Variants in WLS observed in about 807,000 individuals in gnomAD.
The protein encoded by WLS is protein wntless homolog.
A neutral mutation model predicts 62.8 loss-of-function variants in WLS; 23 were observed. That is an observed-to-expected ratio of 0.37 (90% confidence interval 0.26 to 0.52). WLS has a LOEUF of 0.52. Ranked by LOEUF, WLS falls within the 20% of genes least tolerant of loss-of-function variation. The probability of loss-of-function intolerance (pLI) is 0.92; values close to 1 mark genes in which losing one functional copy is unlikely to be tolerated. For synonymous variants in WLS, 246 were observed against 244.1 expected (o/e 1.01, Z -0.07); for missense variants, 615 against 697.3 (o/e 0.88, Z 1.33).
intron 1 of WLS, 123 bp downstream of exon 1, chr1:68,232,071 T>C (rs773430064): frequency 4.6e-5 from 61 of 1,326,874 alleles, no homozygotes; most frequent in Non-Finnish European, 6.1e-5. Flanking sequence ...TTAAGCACAA[T>C]AGCCGGACTA....
At chr1:68,140,002 A>G (rs972690928) in intron 10 of WLS, among the ~76,000 whole-genome samples, 1 of 152,262 alleles carries the variant, frequency 6.6e-6, no homozygotes, top group Admixed American at 6.5e-5. Flanking sequence ...TGGTTAACAC[A>G]AATATTAGCA....
chr1:68,164,925 G>C (rs961127882), intron 2 of WLS, among the ~76,000 whole-genome samples: 1 of 152,278 alleles, frequency 6.6e-6, no homozygotes, highest in South Asian at 2.1e-4. Context: ...CAGCTTGGCA[G>C]AAACAATGTT....
chr1:68,213,981 T>G (rs928632104), intron 1 of WLS, among the ~76,000 whole-genome samples: 1 of 152,156 alleles, frequency 6.6e-6, no homozygotes, highest in Non-Finnish European at 1.5e-5. Flanking sequence ...GCTTGGGCAG[T>G]CATTAAAGCT....
At chr1:68,194,438 T>C (rs1045656571) in intron 1 of WLS, among the ~76,000 whole-genome samples, 1 of 152,180 alleles carries the variant, frequency 6.6e-6, no homozygotes, top group Non-Finnish European at 1.5e-5. Context: ...AACCTTCCCA[T>C]TATGTTTTCA....
At chr1:68,197,380 C>A (rs554728564) in intron 1 of WLS, among the ~76,000 whole-genome samples, 3 of 152,200 alleles carry the variant, frequency 2.0e-5, no homozygotes, top group African/African-American at 7.2e-5. Context: ...CTTGGAGAAG[C>A]CTCAAGTGCA....
At chr1:68,104,899 A>C (rs1014017024) in intron 11 of WLS, among the ~76,000 whole-genome samples, 1 of 152,228 alleles carries the variant, frequency 6.6e-6, no homozygotes, top group Admixed American at 6.5e-5. Context: ...CAACCTGGGC[A>C]AAAAAGCAAG....
chr1:68,143,344 G>A (rs982517297), intron 10 of WLS, among the ~76,000 whole-genome samples: 1 of 152,100 alleles, frequency 6.6e-6, no homozygotes, highest in East Asian at 1.9e-4. Context: ...CTAACTTATT[G>A]CATGTCCTTT....
In WLS at chr1:68,228,842, C is replaced by CAAAAAAAAAAAAAAAAAAAAA. The variant is rs66626696; in HGVS notation, c.106+3331_106+3351dup. Among the ~76,000 whole-genome samples the CAAAAAAAAAAAAAAAAAAAAA allele has an allele frequency of 6.2e-4, 36 of 58,030 alleles. 1 individual carries two copies. The highest frequency in any genetic ancestry group is 9.3e-4 in the South Asian group (1 of 1,078). The allele number at this position is 58,030 out of a possible 152,430, so 38.1% of individuals were successfully genotyped here. ...AGGTTTAGCTTACAGACACTGGTGC[C>CAAAAAAAAAAAAAAAAAAAAA]AAAAAAAAAAAAAAAAAAAAAAAAA... On this transcript the variant is annotated intron_variant, in intron 1 of 11. Transcript: ENST00000262348.
intron 5 of WLS, among the ~76,000 whole-genome samples, chr1:68,152,250 G>C (rs942850722): frequency 3.3e-5 from 5 of 152,344 alleles, no homozygotes; most frequent in Admixed American, 6.5e-5. Flanking sequence ...TTTGGGTCCA[G>C]AGTTGGGAGA....
chr1:68,190,764 A>G (rs1648245600), intron 2 of WLS, among the ~76,000 whole-genome samples: 1 of 152,180 alleles, frequency 6.6e-6, no homozygotes, highest in African/African-American at 2.4e-5. Context: ...GAGCTAAGAA[A>G]TGTTTATAGG....
intron 3 of WLS, 115 bp downstream of exon 3, chr1:68,159,008 A>T: frequency 1.5e-6 from 2 of 1,370,740 alleles, no homozygotes; most frequent in Non-Finnish European, 2.0e-6. Flanking sequence ...CAGAGCAGGT[A>T]TTACCAAAGC....
intron 8 of WLS, among the ~76,000 whole-genome samples, chr1:68,146,844 G>A (rs1646758635): frequency 6.6e-6 from 1 of 152,090 alleles, no homozygotes; most frequent in South Asian, 2.1e-4. Context: ...TTGGAAGGCA[G>A]ATGACCTGAT....
At chr1:68,170,028 TGTAAG>T (rs1456746997) in intron 2 of WLS, among the ~76,000 whole-genome samples, 5 of 152,178 alleles carry the variant, frequency 3.3e-5, no homozygotes, top group Non-Finnish European at 7.3e-5. Context: ...TGTCTCTATC[TGTAAG>T]ATGAGGATAA....
intron 5 of WLS, 109 bp downstream of exon 5, chr1:68,153,408 T>C: frequency 6.8e-7 from 1 of 1,461,400 alleles, no homozygotes; most frequent in Non-Finnish European, 9.3e-7. Context: ...GTCAAATCAC[T>C]GGCCTAAGTC....
chr1:68,183,791 C>T (rs1163914324), intron 2 of WLS, among the ~76,000 whole-genome samples: 2 of 152,064 alleles, frequency 1.3e-5, no homozygotes, highest in African/African-American at 2.4e-5. Flanking sequence ...GGACACTCAG[C>T]CATCTAACTT....
intron 1 of WLS, among the ~76,000 whole-genome samples, chr1:68,230,902 C>T (rs1379756676): frequency 1.3e-5 from 2 of 152,186 alleles, no homozygotes; most frequent in Non-Finnish European, 2.9e-5. Flanking sequence ...ACTGGAGGTG[C>T]CCAAGCCTGT....
At chr1:68,165,273 G>A (rs1179866603) in intron 2 of WLS, among the ~76,000 whole-genome samples, 4 of 152,154 alleles carry the variant, frequency 2.6e-5, no homozygotes, top group African/African-American at 9.7e-5. Flanking sequence ...GGCCTTTGAA[G>A]TTTGGGCCCC....
intron 11 of WLS, chr1:68,098,851 T>G (rs1023671607): frequency 1.4e-6 from 2 of 1,454,422 alleles, no homozygotes; most frequent in South Asian, 1.5e-5. Context: ...CTATAAAAAT[T>G]TTTACCTACA....
chr1:68,180,838 A>G (rs1647525117), intron 2 of WLS, among the ~76,000 whole-genome samples: 1 of 152,194 alleles, frequency 6.6e-6, no homozygotes, highest in African/African-American at 2.4e-5. Context: ...TAGATTCACT[A>G]TGCAATTATT....
Sources: allele counts gnomAD v4.1 joint callset (sites outside exome capture counted in the v4.1 genomes callset), GRCh38; gene constraint gnomAD v4.1.1; transcripts MANE v1.5; gene names NCBI Gene and HGNC (gene_info 2026-07-23, HGNC 2026-07-21).